Variants in CDH12 observed in about 807,000 individuals in gnomAD.
CDH12 encodes the protein cadherin 12.
In CDH12, 41 loss-of-function variants were observed where a neutral mutation model predicts 74.1. That is an observed-to-expected ratio of 0.55 (90% confidence interval 0.43 to 0.72). The LOEUF (loss-of-function observed/expected upper bound fraction) is 0.72, where lower values mean the gene tolerates loss of function less well. CDH12 is among the 30% of genes least tolerant of loss of function. CDH12 has a pLI of 0.00. For synonymous variants in CDH12, 399 were observed against 355.0 expected, an observed-to-expected ratio of 1.12 and a Z score of -1.39; for missense variants, 945 against 977.2, an observed-to-expected ratio of 0.97 and a Z score of 0.44.
intron 5 of CDH12, among the ~76,000 whole-genome samples, chr5:22,021,632 A>G (rs1737984240): frequency 6.6e-6 from 1 of 152,222 alleles, no homozygotes; most frequent in Non-Finnish European, 1.5e-5. Flanking sequence ...AGTACTTGAT[A>G]AAATATGTGA....
chr5:22,400,190 A>G (rs1167482341), intron 3 of CDH12, among the ~76,000 whole-genome samples: 1 of 152,082 alleles, frequency 6.6e-6, no homozygotes, highest in Non-Finnish European at 1.5e-5. Flanking sequence ...TTTGCCTGGC[A>G]GGTTAATAAG....
At chr5:21,976,291 G>T (rs1757067551) in intron 5 of CDH12, among the ~76,000 whole-genome samples, 1 of 152,048 alleles carries the variant, frequency 6.6e-6, no homozygotes, top group Non-Finnish European at 1.5e-5. Context: ...TATGGAATAA[G>T]ATACACATGA....
chr5:22,180,963 T>C (rs1329423279), intron 4 of CDH12, among the ~76,000 whole-genome samples: 1 of 152,148 alleles, frequency 6.6e-6, no homozygotes, highest in Non-Finnish European at 1.5e-5. Context: ...CATTATCTCT[T>C]TGATGTATTT....
intron 1 of CDH12, among the ~76,000 whole-genome samples, chr5:22,696,025 T>C (rs962902385): frequency 2.6e-5 from 4 of 152,160 alleles, no homozygotes; most frequent in Non-Finnish European, 5.9e-5. Context: ...CTGTAAATAG[T>C]ATTTGTCTCT....
At chr5:22,447,366 CT>C (rs1263568679) in intron 2 of CDH12, among the ~76,000 whole-genome samples, 2 of 151,966 alleles carry the variant, frequency 1.3e-5, no homozygotes, top group Non-Finnish European at 2.9e-5. Flanking sequence ...AAACAGTTAA[CT>C]TTTTCAGTCT....
intron 8 of CDH12, among the ~76,000 whole-genome samples, chr5:21,835,008 C>T (rs764154079): frequency 2.0e-5 from 3 of 151,896 alleles, no homozygotes; most frequent in Non-Finnish European, 2.9e-5. Context: ...AGTGGCAATT[C>T]ACCTTTGTTT....
intron 3 of CDH12, among the ~76,000 whole-genome samples, chr5:22,276,422 G>A (rs950260975): frequency 4.6e-5 from 7 of 152,122 alleles, no homozygotes; most frequent in African/African-American, 1.7e-4. Flanking sequence ...AGTATTATAT[G>A]TTATGTAATA....
chr5:22,688,069 G>A (rs16898146), intron 1 of CDH12, among the ~76,000 whole-genome samples: 3 of 151,852 alleles, frequency 2.0e-5, no homozygotes, highest in Admixed American at 2.0e-4. Context: ...TACTGCATTT[G>A]TAAGTTACCA....
intron 10 of CDH12, among the ~76,000 whole-genome samples, chr5:21,792,906 T>A (rs1746583704): frequency 6.6e-6 from 1 of 151,712 alleles, no homozygotes; most frequent in African/African-American, 2.4e-5. Context: ...ACATCCTGAG[T>A]CTCAGTTTTA....
At position 22,482,613 on chromosome 5, in the gene CDH12, A is replaced by T. The variant is rs538370823; in HGVS notation, c.-428+22657T>A. On this transcript the variant is annotated intron_variant, in intron 2 of 14. Transcript: ENST00000382254. ...AAGATTTTTTAATGAAATCCAGTTT[A>T]GAAAAATTTTTAGCATAATATTAAG... Among the ~76,000 whole-genome samples, 36 of 152,302 alleles carry T rather than the reference A, an allele frequency of 2.4e-4. 1 individual carries two copies. In the East Asian group the frequency reaches 6.8e-3, roughly 29 times the overall value.
At chr5:22,496,536 C>A (rs536116421) in intron 2 of CDH12, among the ~76,000 whole-genome samples, 1 of 152,142 alleles carries the variant, frequency 6.6e-6, no homozygotes, top group South Asian at 2.1e-4. Context: ...CCAAATAAAT[C>A]TTTCTCAGCA....
chr5:21,830,292 C>A (rs1748941346), intron 8 of CDH12, among the ~76,000 whole-genome samples: 1 of 148,862 alleles, frequency 6.7e-6, no homozygotes, highest in African/African-American at 2.5e-5. Context: ...TTTTCAACCA[C>A]CACTTGTTCA....
chr5:22,717,981 T>C (rs1327112313), intron 1 of CDH12, among the ~76,000 whole-genome samples: 6 of 152,352 alleles, frequency 3.9e-5, no homozygotes, highest in South Asian at 2.1e-4. Context: ...TCTTTTGGCC[T>C]GTGTGTTTAA....
intron 4 of CDH12, among the ~76,000 whole-genome samples, chr5:22,209,471 AATCGCATTT>A (rs1751407366): frequency 6.6e-6 from 1 of 152,164 alleles, no homozygotes; most frequent in Non-Finnish European, 1.5e-5. Flanking sequence ...ACTTCCTTTT[AATCGCATTT>A]CAATACAATT....
chr5:22,154,441 A>ACACATATATATGTACACATATATATG (rs1747861793), intron 4 of CDH12, among the ~76,000 whole-genome samples: 3 of 81,688 alleles, frequency 3.7e-5, no homozygotes, highest in Middle Eastern at 0.011. Context: ...TAGTGAATAT[A>ACACATATATATGTACACATATATATG]TACACATATA....
intron 4 of CDH12, among the ~76,000 whole-genome samples, chr5:22,092,154 C>A (rs757750702): frequency 7.9e-5 from 12 of 151,802 alleles, no homozygotes; most frequent in Non-Finnish European, 1.5e-4. Context: ...GGATCATAGA[C>A]CTTATTTAAG....
intron 1 of CDH12, among the ~76,000 whole-genome samples, chr5:22,553,727 A>G (rs1738677379): frequency 6.6e-6 from 1 of 152,160 alleles, no homozygotes. Context: ...GCAGTCCCCA[A>G]GTTTTTTGAC....
chr5:21,880,623 CTTTCTTTCTT>C (rs1561268516), intron 6 of CDH12, among the ~76,000 whole-genome samples: 1 of 58,756 alleles, frequency 1.7e-5, no homozygotes. Flanking sequence ...TTCCTTCTTT[CTTTCTTTCTT>C]TCTTTCTTTC....
intron 7 of CDH12, among the ~76,000 whole-genome samples, chr5:21,851,481 CAATAT>C (rs1349715691): frequency 1.3e-5 from 2 of 149,774 alleles, no homozygotes; most frequent in African/African-American, 4.9e-5. Flanking sequence ...TAAAATAATA[CAATAT>C]GTTAATATAA....
Sources: gnomAD v4.1 joint callset for allele counts (sites outside exome capture counted in the v4.1 genomes callset) on GRCh38, gnomAD v4.1.1 for gene constraint, MANE v1.5 for transcripts, NCBI Gene and HGNC (gene_info 2026-07-23, HGNC 2026-07-21) for gene names.